The following CTNNA2 variants were observed in gnomAD, a reference collection of about 807,000 sequenced individuals.
CTNNA2 encodes the protein catenin alpha 2.
A neutral mutation model predicts 101.0 loss-of-function variants in CTNNA2; 42 were observed. The observed-to-expected ratio is 0.42, with a 90% CI of 0.32 to 0.54. CTNNA2 has a LOEUF of 0.54. Among genes scored for constraint, CTNNA2 ranks in the 20% least tolerant of loss-of-function variants. CTNNA2 has a pLI of 0.14. For missense variants in CTNNA2, 871 were observed against 1,223.1 expected, an observed-to-expected ratio of 0.71 and a Z score of 4.29; for synonymous variants, 450 against 456.4, an observed-to-expected ratio of 0.99 and a Z score of 0.18.
At chr2:79,542,368 G>C (rs1047017702) in intron 1 of CTNNA2, among the ~76,000 whole-genome samples, 1 of 152,142 alleles carries the variant, frequency 6.6e-6, no homozygotes, top group Non-Finnish European at 1.5e-5. Context: ...TTCTTTATGA[G>C]TTTTGCAAAC....
At chr2:79,987,802 A>T (rs989899018) in intron 7 of CTNNA2, among the ~76,000 whole-genome samples, 1 of 152,246 alleles carries the variant, frequency 6.6e-6, no homozygotes, top group Admixed American at 6.5e-5. Flanking sequence ...GCACTTTGAG[A>T]TAAGTACTGT....
chr2:80,387,805 G>A (rs866758898), intron 7 of CTNNA2, among the ~76,000 whole-genome samples: 13 of 152,216 alleles, frequency 8.5e-5, no homozygotes, highest in African/African-American at 2.6e-4. Context: ...CCCCAAATGC[G>A]TTTTGTAAAA....
intron 3 of CTNNA2, among the ~76,000 whole-genome samples, chr2:79,818,821 T>TTTTTTATATATATATATATATATA (rs1553373413): frequency 6.7e-5 from 5 of 74,262 alleles, no homozygotes; most frequent in African/African-American, 3.7e-4. Context: ...CAAAATGCAA[T>TTTTTTATATATATATATATATATA]TATATATATA....
intron 3 of CTNNA2, among the ~76,000 whole-genome samples, chr2:79,326,683 C>T (rs962811476): frequency 2.0e-5 from 3 of 152,136 alleles, no homozygotes; most frequent in African/African-American, 4.8e-5. Context: ...AATGAATGAA[C>T]AAGCTTTAAT....
intron 7 of CTNNA2, among the ~76,000 whole-genome samples, chr2:80,316,636 A>T (rs182638171): frequency 6.6e-6 from 1 of 152,284 alleles, no homozygotes; most frequent in East Asian, 1.9e-4. Context: ...TTTGCATTAA[A>T]ACCGAATGCT....
chr2:79,589,028 A>C (rs1676678014), intron 1 of CTNNA2, among the ~76,000 whole-genome samples: 1 of 152,358 alleles, frequency 6.6e-6, no homozygotes, highest in African/African-American at 2.4e-5. Context: ...ACATGTTATC[A>C]GTGGGAATAA....
intron 4 of CTNNA2, among the ~76,000 whole-genome samples, chr2:79,394,632 C>A (rs1678210317): frequency 1.3e-5 from 2 of 152,180 alleles, no homozygotes; most frequent in African/African-American, 4.8e-5. Flanking sequence ...AGATCTCTGA[C>A]CTCACTCAGG....
At chr2:79,413,191 G>C (rs905271021) in intron 4 of CTNNA2, among the ~76,000 whole-genome samples, 1 of 151,796 alleles carries the variant, frequency 6.6e-6, no homozygotes, top group African/African-American at 2.4e-5. Flanking sequence ...GGGAGGGGGT[G>C]GTTCTGGGAA....
chr2:80,580,046 A>C (rs1021585452), intron 13 of CTNNA2, among the ~76,000 whole-genome samples: 2 of 152,200 alleles, frequency 1.3e-5, no homozygotes, highest in Admixed American at 6.5e-5. Flanking sequence ...TTTGTGCACC[A>C]TCCTTACTAC....
In CTNNA2 at chr2:79,394,296, C is replaced by T. The variant is rs566014320; in HGVS notation, c.-135+20283C>T. 3.9e-5 allele frequency among the ~76,000 whole-genome samples: 6 copies of T among 152,330 alleles called. No individual in the cohort carries two copies. In the East Asian group the frequency reaches 1.2e-3, roughly 29 times the overall value. Reference sequence around the variant, plus strand: ...AGGGGAGCCTCAGGCATAGGAACTGCTCCTGGCAGCACAGCTGCTTAGACT... The same window carrying T: ...AGGGGAGCCTCAGGCATAGGAACTGTTCCTGGCAGCACAGCTGCTTAGACT... On this transcript the variant is annotated intron_variant, in intron 4 of 21. Transcript: ENST00000466387.
At chr2:80,308,544 G>A (rs1476379822) in intron 7 of CTNNA2, among the ~76,000 whole-genome samples, 1 of 152,116 alleles carries the variant, frequency 6.6e-6, no homozygotes, top group African/African-American at 2.4e-5. Flanking sequence ...GCATTTTACA[G>A]AATGCTCAAA....
At chr2:79,828,890 A>G (rs1678650340) in intron 3 of CTNNA2, among the ~76,000 whole-genome samples, 1 of 152,176 alleles carries the variant, frequency 6.6e-6, no homozygotes, top group Non-Finnish European at 1.5e-5. Context: ...ATTGAGAACC[A>G]CTGGTCTGAA....
At chr2:80,265,588 C>G (rs1053602331) in intron 7 of CTNNA2, among the ~76,000 whole-genome samples, 26 of 152,234 alleles carry the variant, frequency 1.7e-4, no homozygotes, top group South Asian at 4.1e-4. Flanking sequence ...ATAGACCACC[C>G]CTTGTCTGCT....
chr2:80,636,099 C>T (rs528469709), intron 18 of CTNNA2, among the ~76,000 whole-genome samples: 20 of 151,718 alleles, frequency 1.3e-4, no homozygotes, highest in Non-Finnish European at 2.2e-4. Flanking sequence ...TATAACCTGC[C>T]ATTTGCTACT....
intron 9 of CTNNA2, among the ~76,000 whole-genome samples, chr2:80,468,624 G>A (rs1389107380): frequency 6.6e-6 from 1 of 152,118 alleles, no homozygotes; most frequent in South Asian, 2.1e-4. Flanking sequence ...CGCCATATTG[G>A]CCAGGCTGGT....
intron 2 of CTNNA2, among the ~76,000 whole-genome samples, chr2:79,298,441 C>G (rs536376518): frequency 1.3e-5 from 2 of 152,284 alleles, no homozygotes; most frequent in South Asian, 4.1e-4. Context: ...AAGGGACAAG[C>G]ATCCAAATTA....
intron 7 of CTNNA2, among the ~76,000 whole-genome samples, chr2:80,008,698 T>G (rs1693555283): frequency 6.6e-6 from 1 of 152,160 alleles, no homozygotes; most frequent in South Asian, 2.1e-4. Flanking sequence ...TTTGAGCACG[T>G]CACTTATGTT....
chr2:80,565,541 A>G (rs1205194277), intron 12 of CTNNA2, among the ~76,000 whole-genome samples: 1 of 151,168 alleles, frequency 6.6e-6, no homozygotes, highest in Non-Finnish European at 1.5e-5. Flanking sequence ...TTCCATGGTG[A>G]ATCGTGTGGT....
chr2:79,854,563 T>C (rs1478114147), intron 3 of CTNNA2, among the ~76,000 whole-genome samples: 2 of 152,252 alleles, frequency 1.3e-5, no homozygotes, highest in Non-Finnish European at 2.9e-5. Flanking sequence ...ATCCATGAGT[T>C]AATACATGTA....
Sources: allele counts gnomAD v4.1 joint callset (sites outside exome capture counted in the v4.1 genomes callset), GRCh38; gene constraint gnomAD v4.1.1; transcripts MANE v1.5; gene names NCBI Gene and HGNC (gene_info 2026-07-23, HGNC 2026-07-21).